Variants in ALDH1L1 observed in about 807,000 individuals in gnomAD.
ALDH1L1 encodes cytosolic 10-formyltetrahydrofolate dehydrogenase.
ALDH1L1 carries 68 observed loss-of-function variants against 101.1 expected under a neutral mutation model. The ratio of observed to expected loss-of-function variants is 0.67; its 90% CI spans 0.55 to 0.82. ALDH1L1 has a LOEUF of 0.82. ALDH1L1 is among the 40% of genes least tolerant of loss of function. ALDH1L1 has a pLI of 0.00. For synonymous variants in ALDH1L1, 486 were observed against 470.8 expected (o/e 1.03, Z -0.42); for missense variants, 1,087 against 1,172.7 (o/e 0.93, Z 1.07).
At chr3:126,111,156 C>G (rs1261092637) in intron 19 of ALDH1L1, among the ~76,000 whole-genome samples, 1 of 152,256 alleles carries the variant, frequency 6.6e-6, no homozygotes, top group Non-Finnish European at 1.5e-5. Flanking sequence ...GGCAGGCCAG[C>G]TCCCCAACTA....
intron 1 of ALDH1L1, among the ~76,000 whole-genome samples, chr3:126,188,026 C>A (rs2081531237): frequency 6.6e-6 from 1 of 152,176 alleles, no homozygotes; most frequent in Non-Finnish European, 1.5e-5. Context: ...GGTCAGGCTG[C>A]ATTTATGGAC....
At chr3:126,148,032 T>G (rs558138027) in intron 8 of ALDH1L1, among the ~76,000 whole-genome samples, 1 of 152,288 alleles carries the variant, frequency 6.6e-6, no homozygotes, top group African/African-American at 2.4e-5. Context: ...TGCTGGCTAC[T>G]CTACTGGCAG....
chr3:126,135,731 C>T, intron 11 of ALDH1L1, 69 bp from the exon 12 acceptor site: 1 of 1,438,054 alleles, frequency 7.0e-7, no homozygotes, highest in East Asian at 2.7e-5. Flanking sequence ...CTGCCTGCTT[C>T]CCTGGCCTCC....
intron 19 of ALDH1L1, 82 bp downstream of exon 19, chr3:126,112,700 G>C: frequency 1.5e-6 from 2 of 1,375,806 alleles, no homozygotes; most frequent in Non-Finnish European, 2.0e-6. Flanking sequence ...ACCCTGCCCT[G>C]TCTCCCCTCC....
intron 1 of ALDH1L1, among the ~76,000 whole-genome samples, chr3:126,166,475 A>G (rs972280301): frequency 3.9e-5 from 6 of 152,186 alleles, no homozygotes; most frequent in African/African-American, 1.4e-4. Flanking sequence ...GTATATTCAA[A>G]AGTCCTTTAT....
chr3:126,112,124 A>C (rs376226684), intron 19 of ALDH1L1, among the ~76,000 whole-genome samples: 17 of 152,294 alleles, frequency 1.1e-4, no homozygotes, highest in African/African-American at 4.1e-4. Context: ...GGGACTCAGG[A>C]TGGCCCATCT....
At chr3:126,169,562 T>C (rs956703153) in intron 1 of ALDH1L1, among the ~76,000 whole-genome samples, 1 of 152,184 alleles carries the variant, frequency 6.6e-6, no homozygotes, top group African/African-American at 2.4e-5. Flanking sequence ...TTCTGATGTG[T>C]GGTAAGTAAA....
At position 126,190,935 on chromosome 3, in the gene ALDH1L1, G is replaced by C. The variant is rs572784465; in HGVS notation, c.-24+6800C>G. On this transcript the variant is annotated intron_variant, in intron 1 of 2. Transcript: ENST00000509952. The stretch of plus-strand genomic sequence containing the variant: ...TAAAAGCAAAAAGCTCTGCAGGTTA[G>C]GCTGATTTAAATTGGGGAAGAGTTT... Among the ~76,000 whole-genome samples the C allele has an allele frequency of 3.3e-5, 5 of 152,330 alleles. No homozygotes were observed. The East Asian group carries it at 9.6e-4, about 29-fold the overall frequency.
intron 1 of ALDH1L1, among the ~76,000 whole-genome samples, chr3:126,190,450 C>T (rs1231533617): frequency 6.6e-6 from 1 of 152,170 alleles, no homozygotes; most frequent in African/African-American, 2.4e-5. Context: ...CAGAGAGGAC[C>T]AAGTGGCTAT....
upstream of ALDH1L1, chr3:126,180,933 C>A: frequency 6.2e-7 from 1 of 1,609,810 alleles, no homozygotes; most frequent in Non-Finnish European, 8.5e-7. Flanking sequence ...CACTCGCTCA[C>A]CCTCTCTCAC....
chr3:126,118,778 C>A (rs1559923559), intron 16 of ALDH1L1, among the ~76,000 whole-genome samples: 1 of 152,114 alleles, frequency 6.6e-6, no homozygotes, highest in Admixed American at 6.5e-5. Context: ...CTCCAAAACA[C>A]CCGCCCTCAG....
At chr3:126,167,661 C>A (rs2081196058) in intron 1 of ALDH1L1, among the ~76,000 whole-genome samples, 1 of 151,852 alleles carries the variant, frequency 6.6e-6, no homozygotes, top group Non-Finnish European at 1.5e-5. Context: ...CAGAAGCTAC[C>A]CAGCCTTGCC....
intron 1 of ALDH1L1, among the ~76,000 whole-genome samples, chr3:126,188,424 A>G (rs1445395159): frequency 3.3e-5 from 5 of 152,202 alleles, no homozygotes; most frequent in Admixed American, 2.6e-4. Context: ...CCTTGCAGAT[A>G]CCGAGAGACC....
rs75993767 is a variant in ALDH1L1, at chr3:126,171,732, C to T, written c.-24+8744G>A. On this transcript the variant is annotated intron_variant, in intron 1 of 22. Coordinates refer to ENST00000393434, the MANE Select transcript of ALDH1L1 (RefSeq NM_012190.4). ...AATGGACACCCAGGGCCTAACTAAC[C>T]TAAGTGATGAGGAAAAACCCAAATC... Among the ~76,000 whole-genome samples, 682 of 152,230 alleles carry T rather than the reference C, an allele frequency of 4.5e-3. 8 individuals carry two copies. The highest frequency in any genetic ancestry group is 0.016 in the African/African-American group (654 of 41,550).
At chr3:126,117,453 G>A (rs1211565343) in intron 17 of ALDH1L1, among the ~76,000 whole-genome samples, 1 of 151,908 alleles carries the variant, frequency 6.6e-6, no homozygotes, top group African/African-American at 2.4e-5. Context: ...CCAGGAGTTT[G>A]AGACCAGTCT....
intron 5 of ALDH1L1, 146 bp from the exon 6 acceptor site, chr3:126,154,789 T>G: frequency 1.5e-6 from 1 of 684,792 alleles, no homozygotes; most frequent in Non-Finnish European, 2.6e-6. Context: ...CCTGAGCTGG[T>G]GCCCCTAGTT....
At chr3:126,143,836 CA>C (rs1377299869) in intron 9 of ALDH1L1, among the ~76,000 whole-genome samples, 2 of 151,992 alleles carry the variant, frequency 1.3e-5, no homozygotes, top group Admixed American at 1.3e-4. Flanking sequence ...TCCTGCTACT[CA>C]GGAGGCTGAG....
At chr3:126,153,731 G>A (rs2080853095) in intron 6 of ALDH1L1, 150 bp from the exon 7 acceptor site, 2 of 1,037,442 alleles carry the variant, frequency 1.9e-6, no homozygotes, top group East Asian at 5.2e-5. Context: ...TGACCCCTGA[G>A]GCCCTTTCTC....
intron 9 of ALDH1L1, among the ~76,000 whole-genome samples, chr3:126,142,535 T>C (rs1203513301): frequency 6.8e-6 from 1 of 147,282 alleles, no homozygotes; most frequent in Non-Finnish European, 1.5e-5. Context: ...GCAAGGATAC[T>C]TCACCTATGA....
Sources: allele counts gnomAD v4.1 joint callset (sites outside exome capture counted in the v4.1 genomes callset), GRCh38; gene constraint gnomAD v4.1.1; transcripts MANE v1.5; gene names NCBI Gene and HGNC (gene_info 2026-07-23, HGNC 2026-07-21).